CRB1: variants seen among roughly 807,000 people sequenced by gnomAD.
CRB1 encodes protein crumbs homolog 1.
A neutral mutation model predicts 120.0 loss-of-function variants in CRB1; 83 were observed. The ratio of observed to expected loss-of-function variants is 0.69; its 90% CI spans 0.58 to 0.83. The LOEUF is 0.83. CRB1 is among the 40% of genes least tolerant of loss of function. The pLI is 0.00. For missense variants in CRB1, 1,699 were observed against 1,687.6 expected (o/e 1.01, Z -0.12); for synonymous variants, 625 against 612.5 (o/e 1.02, Z -0.30).
intron 5 of CRB1, among the ~76,000 whole-genome samples, chr1:197,371,161 C>T (rs1661350375): frequency 6.6e-6 from 1 of 152,094 alleles, no homozygotes; most frequent in Non-Finnish European, 1.5e-5. Flanking sequence ...TTTCAAGGTC[C>T]AGCACTATAA....
At chr1:197,379,519 C>T (rs1246984175) in intron 5 of CRB1, among the ~76,000 whole-genome samples, 1 of 147,506 alleles carries the variant, frequency 6.8e-6, no homozygotes, top group Non-Finnish European at 1.5e-5. Context: ...CCAGGATGGT[C>T]TCAATCTCCT....
the CRB1 span, among the ~76,000 whole-genome samples, chr1:197,219,621 A>C: frequency 2.0e-5 from 3 of 152,262 alleles, no homozygotes; most frequent in African/African-American, 7.2e-5. Flanking sequence ...GCGAATACGC[A>C]GAGGAGTAAG....
At chr1:197,419,420 T>C (rs1571517471) in intron 5 of CRB1, among the ~76,000 whole-genome samples, 1 of 151,428 alleles carries the variant, frequency 6.6e-6, no homozygotes, top group East Asian at 2.0e-4. Context: ...TGGAGAGCAG[T>C]GGCATGATCT....
chr1:197,231,073 A>G, the CRB1 span, among the ~76,000 whole-genome samples: 1 of 152,198 alleles, frequency 6.6e-6, no homozygotes, highest in African/African-American at 2.4e-5. Flanking sequence ...GAGAAATGCT[A>G]TAAAATGTGT....
At chr1:197,318,289 A>G (rs1317176453) in intron 1 of CRB1, among the ~76,000 whole-genome samples, 1 of 152,218 alleles carries the variant, frequency 6.6e-6, no homozygotes, top group African/African-American at 2.4e-5. Flanking sequence ...TCAAGATGAC[A>G]GAAATTTTCA....
intron 11 of CRB1, chr1:197,444,000 A>T (rs1665582530): frequency 6.6e-6 from 1 of 152,170 alleles, no homozygotes; most frequent in African/African-American, 2.4e-5. Flanking sequence ...TTGTAAATAT[A>T]CGTCTATGAC....
At chr1:197,318,608 A>T (rs748883464) in intron 1 of CRB1, among the ~76,000 whole-genome samples, 4 of 152,176 alleles carry the variant, frequency 2.6e-5, no homozygotes, top group Non-Finnish European at 5.9e-5. Flanking sequence ...CTCAATGCTC[A>T]TCAATTTTTA....
chr1:197,331,826 T>G (rs1384288863), intron 2 of CRB1, among the ~76,000 whole-genome samples: 2 of 152,194 alleles, frequency 1.3e-5, no homozygotes, highest in African/African-American at 2.4e-5. Flanking sequence ...TTTAAATATC[T>G]TAATTAAATT....
chr1:197,399,735 T>C (rs1203046482), intron 5 of CRB1, among the ~76,000 whole-genome samples: 1 of 152,190 alleles, frequency 6.6e-6, no homozygotes, highest in Non-Finnish European at 1.5e-5. Context: ...TCTCCTCTGA[T>C]GGCTCAACAG....
At chr1:197,346,238 T>C (rs1363959452) in intron 3 of CRB1, among the ~76,000 whole-genome samples, 2 of 151,862 alleles carry the variant, frequency 1.3e-5, no homozygotes, top group Non-Finnish European at 2.9e-5. Context: ...GACTTTATGT[T>C]CCCACAAAAA....
At chr1:197,317,838 A>T (rs950361115) in intron 1 of CRB1, among the ~76,000 whole-genome samples, 2 of 152,354 alleles carry the variant, frequency 1.3e-5, no homozygotes, top group Admixed American at 1.3e-4. Context: ...CATATACAAA[A>T]ATCAACTCAA....
the CRB1 span, among the ~76,000 whole-genome samples, chr1:197,221,936 G>T: frequency 6.6e-6 from 1 of 151,936 alleles, no homozygotes; most frequent in Non-Finnish European, 1.5e-5. Context: ...CCAATATTGG[G>T]CAACTACAGA....
At chr1:197,366,022 GT>G (rs1232092666) in intron 5 of CRB1, among the ~76,000 whole-genome samples, 1 of 152,018 alleles carries the variant, frequency 6.6e-6, no homozygotes, top group Non-Finnish European at 1.5e-5. Context: ...AAAAACACTT[GT>G]GTTATAGTAG....
intron 1 of CRB1, among the ~76,000 whole-genome samples, chr1:197,288,743 G>A (rs1441381796): frequency 6.6e-6 from 1 of 151,742 alleles, no homozygotes; most frequent in Non-Finnish European, 1.5e-5. Context: ...GAAGGTTAGT[G>A]ATTTGAAGAC....
intron 1 of CRB1, among the ~76,000 whole-genome samples, chr1:197,316,915 A>AC (rs200215070): frequency 5.9e-5 from 8 of 135,148 alleles, no homozygotes; most frequent in African/African-American, 1.9e-4. Context: ...GGCTACAAAA[A>AC]AAAAAAACAA....
In CRB1 at chr1:197,356,935, C is replaced by A. The variant is rs116347915; in HGVS notation, c.1093C>A (p.Arg365Ser). 6.8e-6 allele frequency: 11 copies of A among 1,614,156 alleles called. No individual in the cohort carries two copies. In the African/African-American group the frequency reaches 1.3e-4, roughly 20 times the overall value. Residue 365 changes from arginine (R) to serine (S), a missense_variant, in exon 5 of 12, where the codon CGC becomes AGC. Coordinates refer to ENST00000367400, the MANE Select transcript of CRB1 (RefSeq NM_201253.3). Reference sequence around the variant, plus strand: ...GCTGTCCTCAGAGAAACAATATGGACGCATCACTGGACTGCCTTCTTCTTT... The same window carrying A: ...GCTGTCCTCAGAGAAACAATATGGAAGCATCACTGGACTGCCTTCTTCTTT... ...VELSSEKQYG[R>S]ITGLPSSFSY... is the part of the protein sequence containing the mutation.
At chr1:197,396,516 A>G (rs1227159075) in intron 5 of CRB1, among the ~76,000 whole-genome samples, 1 of 152,098 alleles carries the variant, frequency 6.6e-6, no homozygotes, top group Non-Finnish European at 1.5e-5. Context: ...TAAAACAATA[A>G]AAACCAATTT....
At chr1:197,271,386 T>G (rs1404412780) in intron 1 of CRB1, among the ~76,000 whole-genome samples, 2 of 152,184 alleles carry the variant, frequency 1.3e-5, no homozygotes, top group African/African-American at 4.8e-5. Flanking sequence ...GGAACGCTGT[T>G]TATGTTTTGA....
Position 197,268,437 on chromosome 1 carries a change from C to T in CRB1, c.25C>T (p.Leu9Phe). Residue 9 changes from leucine to phenylalanine, a missense_variant, in exon 1 of 12, where the codon CTT (leucine) becomes TTT (phenylalanine). Physicochemically the swap from Leu to Phe is conservative, Grantham distance 22 (BLOSUM62 0). Transcript: ENST00000367400. MALKNINY[L>F]LIFYLSFSLL... ...CATGGCACTTAAGAACATTAACTAC[C>T]TTCTCATCTTCTACCTCAGTTTCTC... 1 of 1,612,880 alleles carries T rather than the reference C, an allele frequency of 6.2e-7. No homozygotes were observed. The highest frequency in any genetic ancestry group is 1.7e-5 in the Admixed American group (1 of 60,008).
Sources: allele counts gnomAD v4.1 joint callset (sites outside exome capture counted in the v4.1 genomes callset), GRCh38; gene constraint gnomAD v4.1.1; transcripts MANE v1.5; gene names NCBI Gene and HGNC (gene_info 2026-07-23, HGNC 2026-07-21).